IL1RL1: variants seen among roughly 807,000 people sequenced by gnomAD.
IL1RL1 encodes the protein interleukin 1 receptor like 1, also known as interleukin-1 receptor-like 1.
In IL1RL1, 32 loss-of-function variants were observed where a neutral mutation model predicts 50.9. That is an observed-to-expected ratio of 0.63 (90% CI 0.47 to 0.84). The LOEUF is 0.84. IL1RL1 is among the 40% of genes least tolerant of loss of function. The pLI is 0.00. For missense variants in IL1RL1, 773 were observed against 662.9 expected (o/e 1.17, Z -1.82); for synonymous variants, 275 against 236.0 (o/e 1.17, Z -1.51).
downstream of IL1RL1, chr2:102,352,155 C>T: frequency 2.1e-6 from 1 of 476,620 alleles, no homozygotes; most frequent in Non-Finnish European, 3.7e-6. Flanking sequence ...TCCCTTTTCC[C>T]TTTTGCTTGC....
Position 102,338,206 on chromosome 2 carries a change from C to A in IL1RL1, c.-59C>A. On this transcript the variant is annotated 5_prime_UTR_variant, in exon 2 of 11. Transcript: ENST00000233954. ...GACCTTCACTGTCGTATGCCAGTGA[C>A]TCATCTGGAGTAATCTCAACAACGA... is the stretch of plus-strand genomic sequence containing the variant. 8.8e-7 allele frequency: 1 copy of A among 1,137,744 alleles called. No individual in the cohort carries two copies. Among genetic ancestry groups the A allele is most frequent in the Non-Finnish European group, 1.3e-6 (1 of 754,284 alleles). 70.5% of individuals were successfully genotyped at this position (1,137,744 alleles called of 1,614,324 possible).
chr2:102,351,394 A>G, intron 10 of IL1RL1, 142 bp from the exon 11 acceptor site: 4 of 724,052 alleles, frequency 5.5e-6, no homozygotes, highest in Non-Finnish European at 9.0e-6. Context: ...CTATCCACAC[A>G]TACTTCCACT....
At chr2:102,343,641 A>G in intron 8 of IL1RL1, 8 of 1,422,776 alleles carry the variant, frequency 5.6e-6, no homozygotes, top group South Asian at 4.6e-5. Flanking sequence ...ACTCCCTCCT[A>G]TCGTTGGTTT....
chr2:102,348,063 CAT>C lies in IL1RL1; in HGVS notation c.1091_1092del (p.Ile364SerfsTer2). The C allele has an allele frequency of 6.2e-7, 1 of 1,613,002 alleles. No homozygotes were observed. The highest frequency in any genetic ancestry group is 8.5e-7 in the Non-Finnish European group (1 of 1,179,262). On this transcript the variant is annotated frameshift_variant, in exon 9 of 11. Transcript: ENST00000233954. LOFTEE classifies it high-confidence loss of function. ...TTGAGGCCACTCTGCTCTGGAGAGA[CAT>C]AGCTAAACCTTACAAGACTAGGAAT... is the stretch of plus-strand genomic sequence containing the variant. The part of the protein sequence containing the change: ...WIEATLLWRD[I>X]AKPYKTRNDG...
intron 1 of IL1RL1, among the ~76,000 whole-genome samples, chr2:102,323,247 T>TTATATATATATATATATATATATATATA (rs371889389): frequency 4.1e-5 from 4 of 98,682 alleles, no homozygotes; most frequent in African/African-American, 1.1e-4. Context: ...TTGTTAGGTT[T>TTATATATATATATATATATATATATATA]TATATATATA....
Position 102,340,757 on chromosome 2 carries a change from C to T in IL1RL1, c.539C>T (p.Thr180Ile), listed in dbSNP as rs141101455. The T allele has an allele frequency of 2.2e-4, 355 of 1,596,288 alleles. No homozygotes were observed. In the African/African-American group the frequency reaches 4.6e-3, roughly 21 times the overall value. ...NVMTEDAGDY[T>I]CKFIHNENGA... Reference sequence around the variant, plus strand: ...ATGACTGAGGACGCAGGTGATTACACCTGTAAATTTATACACAATGAAAAT... The same window carrying T: ...ATGACTGAGGACGCAGGTGATTACATCTGTAAATTTATACACAATGAAAAT... The change falls in exon 5 of 11, where the codon ACC becomes ATC. Residue 180 changes from threonine to isoleucine, a missense_variant. Transcript: ENST00000233954.
intron 1 of IL1RL1, among the ~76,000 whole-genome samples, chr2:102,314,752 A>G (rs1676624069): frequency 1.3e-5 from 2 of 152,234 alleles, no homozygotes; most frequent in African/African-American, 2.4e-5. Context: ...TATTAGAGAA[A>G]GTATGAAAAT....
intron 1 of IL1RL1, among the ~76,000 whole-genome samples, chr2:102,326,840 C>G (rs1573137492): frequency 6.6e-6 from 1 of 151,766 alleles, no homozygotes; most frequent in Non-Finnish European, 1.5e-5. Context: ...ACAGGAGCAC[C>G]CAGATTCATA....
rs758218720 is a variant in IL1RL1 at position 102,338,311 on chromosome 2, C to T, written c.47C>T (p.Thr16Ile). 8 of 1,597,776 alleles carry T rather than the reference C, an allele frequency of 5.0e-6. No individual in the cohort carries two copies. The highest frequency in any genetic ancestry group is 2.2e-5 in the South Asian group (2 of 89,758). The stretch of plus-strand genomic sequence containing the variant: ...ATTCTCACAATTCTCATGTATTCCA[C>T]AGCAGCAAAGTTTAGTAAGTATTGC... ...LAILTILMYS[T>I]AAKFSKQSWG... The change falls in exon 2 of 11, where the codon ACA (threonine) becomes ATA (isoleucine). Residue 16 changes from threonine (T) to isoleucine (I), a missense_variant. Coordinates refer to ENST00000233954, the MANE Select transcript of IL1RL1 (RefSeq NM_016232.5).
intron 8 of IL1RL1, 80 bp downstream of exon 8, chr2:102,343,495 T>C (rs1677661842): frequency 1.9e-6 from 3 of 1,611,952 alleles, no homozygotes; most frequent in Non-Finnish European, 2.5e-6. Context: ...TTCCAAGAGA[T>C]CCATCAAGAC....
At chr2:102,332,538 G>T (rs993875807) in intron 1 of IL1RL1, among the ~76,000 whole-genome samples, 34 of 152,310 alleles carry the variant, frequency 2.2e-4, no homozygotes, top group African/African-American at 7.5e-4. Flanking sequence ...TATGCTAAGT[G>T]AAATAAGGCA....
At chr2:102,312,055 A>G in intron 1 of IL1RL1, among the ~76,000 whole-genome samples, 5 of 76,042 alleles carry the variant, frequency 6.6e-5, no homozygotes, top group Non-Finnish European at 9.7e-5. Flanking sequence ...TATATATAAT[A>G]TATATAACAT....
chr2:102,349,244 A>C lies in IL1RL1; in HGVS notation c.1283A>C (p.Glu428Ala), dbSNP rs1291221059. The C allele has an allele frequency of 3.7e-6, 6 of 1,612,994 alleles. No individual in the cohort carries two copies. Among genetic ancestry groups the C allele is most frequent in the Admixed American group, 1.7e-5 (1 of 60,008 alleles). The change falls in exon 10 of 11, where the codon GAA (glutamate) becomes GCA (alanine). Residue 428 changes from glutamate to alanine, a missense_variant and splice_region_variant. Transcript: ENST00000233954. ...CIYGRDMLPG[E>A]DVVTAVETNI... ...TATGGGAGAGATATGCTACCTGGAG[A>C]AGGTAAAGCTATTGACATACATTAG...
At chr2:102,333,030 G>T (rs1170065359) in intron 1 of IL1RL1, among the ~76,000 whole-genome samples, 2 of 152,074 alleles carry the variant, frequency 1.3e-5, no homozygotes, top group African/African-American at 4.8e-5. Flanking sequence ...CGGGGTTGGA[G>T]GGGAGGGGTC....
chr2:102,316,515 G>A (rs1255920536), intron 1 of IL1RL1, among the ~76,000 whole-genome samples: 10 of 152,152 alleles, frequency 6.6e-5, no homozygotes, highest in Middle Eastern at 3.4e-3. Context: ...GGGAGAACAA[G>A]GTAGATAAAG....
chr2:102,329,295 G>C (rs150341880), intron 1 of IL1RL1, among the ~76,000 whole-genome samples: 1 of 151,888 alleles, frequency 6.6e-6, no homozygotes, highest in Admixed American at 6.6e-5. Flanking sequence ...TATGTAGAAA[G>C]CTGAAACTGG....
rs187824560 is a variant in IL1RL1 at position 102,342,717 on chromosome 2, T to C, written c.683-319T>C. ...GCAGTTGGAAAGAAACTCTAATTTC[T>C]AGTAGAGGGCAATCCTTTTACTAGA... On this transcript the variant is annotated intron_variant, in intron 6 of 10. Transcript: ENST00000233954. Among the ~76,000 whole-genome samples the C allele has an allele frequency of 2.2e-3, 341 of 152,282 alleles. 5 individuals carry two copies. Among genetic ancestry groups the C allele is most frequent in the Non-Finnish European group, 5.1e-4 (35 of 68,016 alleles).
intron 8 of IL1RL1, chr2:102,345,581 G>C: frequency 2.0e-6 from 2 of 985,492 alleles, no homozygotes; most frequent in Non-Finnish European, 2.4e-6. Context: ...AAGGATAGGG[G>C]TGTGGGGACA....
chr2:102,323,273 A>ATATATATAGT (rs1303334375), intron 1 of IL1RL1, among the ~76,000 whole-genome samples: 553 of 48,322 alleles, frequency 0.011, 1 homozygote, highest in Middle Eastern at 0.017. Context: ...ATATATATAT[A>ATATATATAGT]GTGTGTGTGT....
Sources: allele counts gnomAD v4.1 joint callset (sites outside exome capture counted in the v4.1 genomes callset), GRCh38; gene constraint gnomAD v4.1.1; transcripts MANE v1.5; gene names NCBI Gene and HGNC (gene_info 2026-07-23, HGNC 2026-07-21).